TMOD2: variants seen among roughly 807,000 people sequenced by gnomAD.
The protein encoded by TMOD2 is tropomodulin-2.
TMOD2 carries 22 observed loss-of-function variants against 39.9 expected under a neutral mutation model. The ratio of observed to expected loss-of-function variants is 0.55; its 90% CI spans 0.39 to 0.79. TMOD2 has a LOEUF of 0.79. Among genes scored for constraint, TMOD2 ranks in the 30% least tolerant of loss-of-function variants. The pLI, the probability that TMOD2 is intolerant of heterozygous loss-of-function variation, is 0.00. For synonymous variants in TMOD2, 123 were observed against 146.1 expected (o/e 0.84, Z 1.14); for missense variants, 386 against 413.3 (o/e 0.93, Z 0.57).
chr15:51,808,423 G>T lies in TMOD2; in HGVS notation c.1025G>T (p.Arg342Leu). ...AAITKNNDLVRKKRVEADRR is the reference protein window; with the variant it reads ...AAITKNNDLVLKKRVEADRR ...TGTTCCTTTCTTTCTTACCTAGTTC[G>T]TAAGAAGAGAGTTGAAGCAGACCGA... Residue 342 changes from arginine to leucine, a missense_variant, in exon 10 of 10, where the codon CGT (arginine) becomes CTT (leucine). By Grantham distance (102) the Arg-to-Leu change is moderately radical. Transcript: ENST00000249700. 17 of 1,611,050 alleles carry T rather than the reference G, an allele frequency of 1.1e-5. No homozygotes were observed. Among genetic ancestry groups the T allele is most frequent in the Non-Finnish European group, 1.4e-5 (17 of 1,178,456 alleles).
Position 51,813,914 on chromosome 15 carries a change from C to T in TMOD2, c.*5460C>T, listed in dbSNP as rs1326701659. 1 of 152,158 alleles carries T rather than the reference C, an allele frequency of 6.6e-6. No individual in the cohort carries two copies. The highest frequency in any genetic ancestry group is 1.5e-5 in the Non-Finnish European group (1 of 68,038). 9.4% of individuals were successfully genotyped at this position (152,158 alleles called of 1,614,324 possible). A position where few individuals can be genotyped will look rare whatever the true frequency, so the allele number is the denominator to read the frequency against. On this transcript the variant is annotated 3_prime_UTR_variant, in exon 10 of 10. Coordinates refer to ENST00000249700, the MANE Select transcript of TMOD2 (RefSeq NM_014548.4). ...TTGAATCGGCTTTATTCTAACCAAC[C>T]ATTACATCTTTCTCATCTTTTGGAG...
chr15:51,761,228 A>G (rs1273840828), intron 1 of TMOD2, among the ~76,000 whole-genome samples: 2 of 148,826 alleles, frequency 1.3e-5, no homozygotes, highest in Non-Finnish European at 3.0e-5. Context: ...GGCTGAAACA[A>G]GAGTGAAAAG....
chr15:51,799,799 T>C (rs1367705737), intron 8 of TMOD2, among the ~76,000 whole-genome samples: 1 of 152,204 alleles, frequency 6.6e-6, no homozygotes, highest in Non-Finnish European at 1.5e-5. Context: ...GGATATTTGT[T>C]GAATAGACTC....
At chr15:51,793,030 A>T (rs980842698) in intron 7 of TMOD2, among the ~76,000 whole-genome samples, 2 of 152,146 alleles carry the variant, frequency 1.3e-5, no homozygotes, top group African/African-American at 4.8e-5. Context: ...AAGAAATAAA[A>T]CATGAGCCAC....
At chr15:51,798,904 A>C (rs2056069742) in intron 8 of TMOD2, among the ~76,000 whole-genome samples, 1 of 152,232 alleles carries the variant, frequency 6.6e-6, no homozygotes, top group South Asian at 2.1e-4. Flanking sequence ...GTAGCAGGCC[A>C]CACCCATGAG....
intron 5 of TMOD2, among the ~76,000 whole-genome samples, chr15:51,777,557 C>T (rs907381286): frequency 3.3e-5 from 5 of 152,166 alleles, no homozygotes; most frequent in African/African-American, 4.8e-5. Context: ...TCTATGTCAA[C>T]GTTTCCTATA....
chr15:51,809,413 AT>A lies in TMOD2; in HGVS notation c.*961del, dbSNP rs1170490714. 2 of 152,616 alleles carry A rather than the reference AT, an allele frequency of 1.3e-5. No homozygotes were observed. Among genetic ancestry groups the A allele is most frequent in the African/African-American group, 4.8e-5 (2 of 41,460 alleles). The allele number at this position is 152,616 out of a possible 1,614,324, so 9.5% of individuals were successfully genotyped here. The stretch of plus-strand genomic sequence containing the variant: ...CAAGATCACTGGATTAAATATAAAC[AT>A]TCAGGTTAATTATCTAGATTTTTGT... On this transcript the variant is annotated 3_prime_UTR_variant, in exon 10 of 10. Transcript: ENST00000249700.
chr15:51,796,972 CACGGAGATGCTGG>C (rs921610417), intron 7 of TMOD2, among the ~76,000 whole-genome samples: 4 of 152,182 alleles, frequency 2.6e-5, no homozygotes, highest in African/African-American at 9.7e-5. Context: ...GCAGGGACAG[CACGGAGATGCTGG>C]ACAAACAGAT....
rs1267391136 is a variant in TMOD2 at position 51,811,072 on chromosome 15, T to G, written c.*2618T>G. On this transcript the variant is annotated 3_prime_UTR_variant, in exon 10 of 10. Coordinates refer to ENST00000249700, the MANE Select transcript of TMOD2 (RefSeq NM_014548.4). Reference sequence around the variant, plus strand: ...TTTTACTAATCAGTTTGTTTTCTTATTACCTGTGTTTTTAAAGTGGCTTGA... The same window carrying G: ...TTTTACTAATCAGTTTGTTTTCTTAGTACCTGTGTTTTTAAAGTGGCTTGA... The G allele has an allele frequency of 6.6e-6, 1 of 152,182 alleles. No homozygotes were observed. The highest frequency in any genetic ancestry group is 1.5e-5 in the Non-Finnish European group (1 of 68,044). 9.4% of individuals were successfully genotyped at this position (152,182 alleles called of 1,614,324 possible).
chr15:51,767,779 TG>T (rs947865356), intron 2 of TMOD2, among the ~76,000 whole-genome samples: 2 of 152,212 alleles, frequency 1.3e-5, no homozygotes, highest in African/African-American at 2.4e-5. Flanking sequence ...ATTCTGTTGT[TG>T]TTTTTTTAAA....
At chr15:51,778,556 A>G (rs2055906388) in intron 5 of TMOD2, among the ~76,000 whole-genome samples, 1 of 149,152 alleles carries the variant, frequency 6.7e-6, no homozygotes, top group Non-Finnish European at 1.5e-5. Context: ...AAGGGAATTT[A>G]TCTGTCCAGG....
intron 1 of TMOD2, among the ~76,000 whole-genome samples, chr15:51,760,392 T>C (rs1210756223): frequency 6.6e-6 from 1 of 152,182 alleles, no homozygotes; most frequent in African/African-American, 2.4e-5. Flanking sequence ...CCTTCCACCA[T>C]CTTCAAAGCA....
At chr15:51,780,317 A>G (rs1432265702) in intron 5 of TMOD2, among the ~76,000 whole-genome samples, 1 of 152,224 alleles carries the variant, frequency 6.6e-6, no homozygotes, top group African/African-American at 2.4e-5. Context: ...CATTGTTGCC[A>G]ACTCCAAATG....
chr15:51,760,087 T>G (rs1006970596), intron 1 of TMOD2, among the ~76,000 whole-genome samples: 4 of 152,132 alleles, frequency 2.6e-5, no homozygotes, highest in Admixed American at 2.0e-4. Flanking sequence ...GGGGAGTGGA[T>G]GTGGAGGTGC....
chr15:51,800,273 G>C (rs1445444369), intron 8 of TMOD2, among the ~76,000 whole-genome samples: 1 of 152,172 alleles, frequency 6.6e-6, no homozygotes, highest in Admixed American at 6.5e-5. Flanking sequence ...CTGAAGTACA[G>C]CCTGTAATCC....
rs555633136 is a variant in TMOD2, at chr15:51,797,928, CA to C, written c.733-261del. Among the ~76,000 whole-genome samples, 42 of 145,116 alleles carry C rather than the reference CA, an allele frequency of 2.9e-4. 1 individual carries two copies. The highest frequency in any genetic ancestry group is 6.2e-4 in the Non-Finnish European group (41 of 66,374). ...GTTTTTTTTTAATGTCTCTACTTAACAAAAAAAATCTGTAATCCTATGTCAG... is the reference window on the plus strand; with the variant it reads ...GTTTTTTTTTAATGTCTCTACTTAACAAAAAAATCTGTAATCCTATGTCAG... On this transcript the variant is annotated intron_variant, in intron 7 of 9. Coordinates refer to ENST00000249700, the MANE Select transcript of TMOD2 (RefSeq NM_014548.4).
At chr15:51,772,760 C>G (rs746299268) in intron 3 of TMOD2, among the ~76,000 whole-genome samples, 1 of 152,110 alleles carries the variant, frequency 6.6e-6, no homozygotes, top group East Asian at 1.9e-4. Context: ...ACTAGCCCAC[C>G]TGGCCCCAGA....
chr15:51,794,577 A>G (rs1203518989), intron 7 of TMOD2, among the ~76,000 whole-genome samples: 2 of 152,148 alleles, frequency 1.3e-5, no homozygotes, highest in Non-Finnish European at 2.9e-5. Context: ...GTGGTTGTCA[A>G]TCCTAACTGC....
chr15:51,756,523 G>C (rs2055742983), intron 1 of TMOD2: 1 of 152,210 alleles, frequency 6.6e-6, no homozygotes, highest in Non-Finnish European at 1.5e-5. Context: ...AGTTTGGAGA[G>C]GTTGTCACTG....
Sources: allele counts gnomAD v4.1 joint callset (sites outside exome capture counted in the v4.1 genomes callset), GRCh38; gene constraint gnomAD v4.1.1; transcripts MANE v1.5; gene names NCBI Gene and HGNC (gene_info 2026-07-23, HGNC 2026-07-21).